The following PTPRT variants were observed in gnomAD, a reference collection of about 807,000 sequenced individuals.
The protein encoded by PTPRT is receptor-type tyrosine-protein phosphatase T.
Under a neutral mutation model 176.8 loss-of-function variants are expected in PTPRT, and 56 were observed. That is an observed-to-expected ratio of 0.32 (90% confidence interval 0.26 to 0.40). PTPRT has a LOEUF of 0.40. Ranked by LOEUF, PTPRT falls within the 10% of genes least tolerant of loss-of-function variation. The pLI is 1.00. For missense variants in PTPRT, 1,540 were observed against 1,908.2 expected (o/e 0.81, Z 3.60); for synonymous variants, 783 against 739.0 (o/e 1.06, Z -0.96).
chr20:43,056,961 C>T (rs1255419960), intron 1 of PTPRT, among the ~76,000 whole-genome samples: 3 of 151,978 alleles, frequency 2.0e-5, no homozygotes, highest in South Asian at 4.2e-4. Context: ...AATGAACTAT[C>T]GATGCATGCA....
chr20:42,452,396 GA>G (rs2070847336), intron 8 of PTPRT, among the ~76,000 whole-genome samples: 6 of 152,128 alleles, frequency 3.9e-5, no homozygotes. Context: ...CCTTTTGTGA[GA>G]GAAGAGGAGA....
At chr20:42,396,776 G>A (rs2058854655) in intron 9 of PTPRT, among the ~76,000 whole-genome samples, 3 of 152,122 alleles carry the variant, frequency 2.0e-5, no homozygotes, top group Non-Finnish European at 4.4e-5. Context: ...TGGCCAGGCT[G>A]GAACTCCTGA....
chr20:42,080,971 A>G, intron 30 of PTPRT, 39 bp from the exon 31 acceptor site: 1 of 1,480,242 alleles, frequency 6.8e-7, no homozygotes, highest in Non-Finnish European at 9.4e-7. Context: ...GAGGGAGAAG[A>G]GGAGACGAGA....
chr20:42,296,395 G>A (rs910804495), intron 12 of PTPRT, among the ~76,000 whole-genome samples: 8 of 150,028 alleles, frequency 5.3e-5, no homozygotes, highest in Admixed American at 2.7e-4. Flanking sequence ...GCAGTGAGCT[G>A]AGATCACACC....
At position 42,352,239 on chromosome 20, in the gene PTPRT, G is replaced by C. The variant is rs192708116; in HGVS notation, c.1607C>G (p.Ser536Trp). Residue 536 changes from serine to tryptophan, a missense_variant, in exon 10 of 31, where the codon TCG becomes TGG. By Grantham distance (177) the Ser-to-Trp change is radical. Coordinates refer to ENST00000373187, the MANE Select transcript of PTPRT (RefSeq NM_007050.6). ...VGSLDPSADLSSQRGKVFKLR... is the reference protein window; with the variant it reads ...VGSLDPSADLWSQRGKVFKLR... ...CTTGAACACTTTCCCCCTCTGGCTC[G>C]AGAGGTCAGCACTTGGGTCCAGCGA... is the stretch of plus-strand genomic sequence containing the variant. 6.2e-7 allele frequency: 1 copy of C among 1,614,142 alleles called. No individual in the cohort carries two copies. The highest frequency in any genetic ancestry group is 1.7e-5 in the Admixed American group (1 of 60,024).
At chr20:42,738,541 C>T (rs1439587027) in intron 6 of PTPRT, among the ~76,000 whole-genome samples, 1 of 151,964 alleles carries the variant, frequency 6.6e-6, no homozygotes, top group Non-Finnish European at 1.5e-5. Context: ...TCTTACCACT[C>T]TCTAAATGGT....
intron 7 of PTPRT, among the ~76,000 whole-genome samples, chr20:42,573,755 T>C (rs1387899201): frequency 4.2e-5 from 6 of 142,086 alleles, no homozygotes; most frequent in African/African-American, 1.6e-4. Context: ...CTTTCTTTTT[T>C]TTTTTTTTTT....
chr20:42,495,238 T>A (rs1300270055), intron 7 of PTPRT, among the ~76,000 whole-genome samples: 1 of 152,212 alleles, frequency 6.6e-6, no homozygotes, highest in African/African-American at 2.4e-5. Flanking sequence ...ACACTCTTAA[T>A]GCCATATTTT....
intron 7 of PTPRT, among the ~76,000 whole-genome samples, chr20:42,643,408 C>A (rs768859206): frequency 6.6e-6 from 1 of 152,058 alleles, no homozygotes; most frequent in Admixed American, 6.5e-5. Context: ...GCAGCCTCAA[C>A]CTCCCAGGTT....
intron 9 of PTPRT, among the ~76,000 whole-genome samples, chr20:42,396,130 C>G (rs1229218051): frequency 6.6e-6 from 1 of 152,172 alleles, no homozygotes; most frequent in Non-Finnish European, 1.5e-5. Flanking sequence ...AAATCCCAAT[C>G]TTTCTCTGAA....
chr20:43,125,399 C>A (rs1276536959), intron 1 of PTPRT, among the ~76,000 whole-genome samples: 1 of 152,174 alleles, frequency 6.6e-6, no homozygotes, highest in Non-Finnish European at 1.5e-5. Context: ...GCACTTTTGA[C>A]CTCATTTCTC....
intron 7 of PTPRT, among the ~76,000 whole-genome samples, chr20:42,657,443 A>C (rs147363131): frequency 6.6e-6 from 1 of 152,212 alleles, no homozygotes; most frequent in East Asian, 1.9e-4. Flanking sequence ...TTGTTCGTTC[A>C]TGGTCTTCTT....
chr20:42,794,817 A>G (rs1219848452), intron 2 of PTPRT, among the ~76,000 whole-genome samples: 2 of 139,208 alleles, frequency 1.4e-5, no homozygotes, highest in South Asian at 2.4e-4. Context: ...AGAATAGCCT[A>G]GGCAAAGGCA....
intron 11 of PTPRT, among the ~76,000 whole-genome samples, chr20:42,317,990 T>C (rs188631885): frequency 3.3e-5 from 5 of 152,254 alleles, no homozygotes; most frequent in Admixed American, 2.0e-4. Flanking sequence ...CATTTCCAAG[T>C]GAGGATCTGT....
intron 9 of PTPRT, among the ~76,000 whole-genome samples, chr20:42,446,176 C>T (rs1259703612): frequency 2.6e-5 from 4 of 152,096 alleles, no homozygotes; most frequent in African/African-American, 9.7e-5. Context: ...GTAGTAGTTT[C>T]CAAATGCAGG....
intron 27 of PTPRT, among the ~76,000 whole-genome samples, chr20:42,097,034 G>A (rs1985328037): frequency 6.6e-6 from 1 of 152,208 alleles, no homozygotes; most frequent in Admixed American, 6.5e-5. Context: ...AGGAGAAAAT[G>A]AGACAGCAGT....
intron 7 of PTPRT, among the ~76,000 whole-genome samples, chr20:42,611,409 C>T (rs766968491): frequency 3.2e-4 from 48 of 152,276 alleles, no homozygotes; most frequent in African/African-American, 1.1e-3. Flanking sequence ...ATCTTCAGAA[C>T]GCTGCCATAA....
chr20:42,610,311 G>A (rs917330707), intron 7 of PTPRT, among the ~76,000 whole-genome samples: 2 of 151,866 alleles, frequency 1.3e-5, no homozygotes, highest in Non-Finnish European at 2.9e-5. Flanking sequence ...AAGGCTCAGT[G>A]TCTCTTTTTG....
At chr20:42,104,747 T>C in intron 24 of PTPRT, 29 bp from the exon 25 acceptor site, 1 of 1,540,644 alleles carries the variant, frequency 6.5e-7, no homozygotes, top group Non-Finnish European at 9.0e-7. Flanking sequence ...GGGAATGGGG[T>C]GCCAGGTAAG....
Sources: gnomAD v4.1 joint callset for allele counts (sites outside exome capture counted in the v4.1 genomes callset) on GRCh38, gnomAD v4.1.1 for gene constraint, MANE v1.5 for transcripts, NCBI Gene and HGNC (gene_info 2026-07-23, HGNC 2026-07-21) for gene names.